Variants in TBCEL observed in about 807,000 individuals in gnomAD.
The protein encoded by TBCEL is tubulin folding cofactor E like.
TBCEL carries 15 observed loss-of-function variants against 44.2 expected under a neutral mutation model. That is an observed-to-expected ratio of 0.34 (90% CI 0.23 to 0.52). The LOEUF (loss-of-function observed/expected upper bound fraction) is 0.52, where lower values mean the gene tolerates loss of function less well. Among genes scored for constraint, TBCEL ranks in the 20% least tolerant of loss-of-function variants. TBCEL has a pLI of 0.95. For missense variants in TBCEL, 319 were observed against 506.3 expected (o/e 0.63, Z 3.55); for synonymous variants, 171 against 185.4 (o/e 0.92, Z 0.63).
At chr11:121,070,070 G>A (rs1438041911) in intron 8 of TBCEL, among the ~76,000 whole-genome samples, 8 of 152,116 alleles carry the variant, frequency 5.3e-5, no homozygotes, top group Non-Finnish European at 7.4e-5. Flanking sequence ...CTCAAAAGAA[G>A]ACATTTATGC....
chr11:121,047,516 C>T lies in TBCEL; in HGVS notation c.134-12C>T. On this transcript the variant is annotated splice_polypyrimidine_tract_variant and intron_variant, in intron 3 of 8. Transcript: ENST00000683345. ...CTGATATAGAAAACATTTTGTGTCT[C>T]TCATCATTCAGATCGCCTCAACCTC... 1.2e-6 allele frequency: 2 copies of T among 1,611,298 alleles called. No homozygotes were observed. Among genetic ancestry groups the T allele is most frequent in the South Asian group, 2.2e-5 (2 of 90,934 alleles).
At chr11:121,060,422 GTTCA>G (rs1467197212) in intron 8 of TBCEL, among the ~76,000 whole-genome samples, 2 of 150,454 alleles carry the variant, frequency 1.3e-5, no homozygotes, top group African/African-American at 5.0e-5. Flanking sequence ...AAATTAGTCT[GTTCA>G]TTCATGTTGG....
At chr11:121,060,681 A>T (rs1365019877) in intron 8 of TBCEL, among the ~76,000 whole-genome samples, 1 of 151,976 alleles carries the variant, frequency 6.6e-6, no homozygotes, top group Non-Finnish European at 1.5e-5. Flanking sequence ...ATGTAAAAGG[A>T]AATGTAGCAG....
At chr11:121,059,540 A>C (rs950018302) in intron 7 of TBCEL, among the ~76,000 whole-genome samples, 1 of 152,064 alleles carries the variant, frequency 6.6e-6, no homozygotes, top group Non-Finnish European at 1.5e-5. Context: ...AAATTAGCTC[A>C]TTTAAAAATA....
intron 8 of TBCEL, among the ~76,000 whole-genome samples, chr11:121,076,006 G>C (rs1445550827): frequency 6.6e-6 from 1 of 151,772 alleles, no homozygotes; most frequent in Non-Finnish European, 1.5e-5. Flanking sequence ...AATCATATAG[G>C]TGGCCCGTAT....
rs1423808770 is a variant in TBCEL, at chr11:121,058,355, C to T, written c.723C>T (p.Ser241=). ...ATGTTCTCAAATTAGGTTTGCAGTC[C>T]TGGGAAGACATTGATAAACTAAATT... The part of the protein sequence containing the change: ...SISLHKSGLQ[S]WEDIDKLNSF... The change falls in exon 7 of 9, where the codon TCC becomes TCT. Residue 241 remains serine, a synonymous_variant. Transcript: ENST00000683345. 2 of 1,611,172 alleles carry T rather than the reference C, an allele frequency of 1.2e-6. No individual in the cohort carries two copies. Among genetic ancestry groups the T allele is most frequent in the South Asian group, 2.2e-5 (2 of 90,986 alleles).
chr11:121,082,660 G>A (rs1946147171), intron 8 of TBCEL, among the ~76,000 whole-genome samples: 14 of 152,208 alleles, frequency 9.2e-5, no homozygotes, highest in Admixed American at 9.2e-4. Context: ...TGAGGTCGTG[G>A]AAAGCCATCA....
intron 8 of TBCEL, among the ~76,000 whole-genome samples, chr11:121,085,349 T>A (rs1450499929): frequency 6.6e-6 from 1 of 152,218 alleles, no homozygotes; most frequent in Non-Finnish European, 1.5e-5. Flanking sequence ...TCTTATATTT[T>A]TTAATGGTTG....
intron 2 of TBCEL, among the ~76,000 whole-genome samples, chr11:121,043,812 ATTGTC>A (rs1242793235): frequency 3.9e-5 from 6 of 151,960 alleles, no homozygotes; most frequent in Admixed American, 3.3e-4. Context: ...ATCAGTGACT[ATTGTC>A]TTATTGTCCT....
At chr11:121,028,354 G>A (rs1945083250) in intron 1 of TBCEL, among the ~76,000 whole-genome samples, 1 of 152,144 alleles carries the variant, frequency 6.6e-6, no homozygotes, top group Non-Finnish European at 1.5e-5. Context: ...AAAGTTAAAA[G>A]TCACTGACCT....
intron 8 of TBCEL, among the ~76,000 whole-genome samples, chr11:121,060,642 C>T (rs1422410198): frequency 6.6e-6 from 1 of 151,680 alleles, no homozygotes; most frequent in Non-Finnish European, 1.5e-5. Context: ...TAAATATTGT[C>T]TAGTGAGGAA....
chr11:121,076,292 C>G (rs1591417041), intron 8 of TBCEL, among the ~76,000 whole-genome samples: 1 of 151,960 alleles, frequency 6.6e-6, no homozygotes, highest in Admixed American at 6.6e-5. Context: ...CTTAATAATA[C>G]TGAGTCTTCC....
At position 121,068,886 on chromosome 11, in the gene TBCEL, CA is replaced by C. The variant is rs575081373; in HGVS notation, c.956+8817del. Among the ~76,000 whole-genome samples the C allele has an allele frequency of 8.6e-3, 759 of 87,958 alleles. 3 individuals are homozygous for C. The highest frequency in any genetic ancestry group is 0.039 in the East Asian group (122 of 3,122). 57.7% of individuals were successfully genotyped at this position (87,958 alleles called of 152,430 possible). On this transcript the variant is annotated intron_variant, in intron 8 of 8. Transcript: ENST00000683345. ...TGGGTGACAGAGCAAGGCTCCGTCT[CA>C]AAAAAAAAAAAAAAACAGACAAAAA... is the stretch of plus-strand genomic sequence containing the variant.
At chr11:121,062,567 G>A (rs1161569679) in intron 8 of TBCEL, among the ~76,000 whole-genome samples, 2 of 152,080 alleles carry the variant, frequency 1.3e-5, no homozygotes, top group Non-Finnish European at 2.9e-5. Flanking sequence ...TGACCAAAAT[G>A]TCTTCATGTG....
chr11:121,074,306 G>A (rs1945993593), intron 8 of TBCEL, among the ~76,000 whole-genome samples: 2 of 151,954 alleles, frequency 1.3e-5, no homozygotes, highest in Admixed American at 6.6e-5. Context: ...CCCCTAGGCA[G>A]CCACTGATAC....
intron 5 of TBCEL, 139 bp downstream of exon 5, chr11:121,053,871 G>T (rs1243143718): frequency 1.1e-6 from 1 of 897,034 alleles, no homozygotes; most frequent in Admixed American, 2.8e-5. Context: ...GAAGTTATTG[G>T]AATGAGAATG....
chr11:121,058,550 G>T (rs1037952711), intron 7 of TBCEL, 79 bp downstream of exon 7: 7 of 1,525,480 alleles, frequency 4.6e-6, no homozygotes, highest in Middle Eastern at 1.7e-4. Flanking sequence ...TGTTTAGTGG[G>T]AGTGCACTAT....
intron 8 of TBCEL, among the ~76,000 whole-genome samples, chr11:121,067,547 CAAGAG>C (rs984128013): frequency 2.0e-5 from 3 of 152,172 alleles, no homozygotes; most frequent in African/African-American, 7.2e-5. Context: ...CTTTGTGAAA[CAAGAG>C]AAGAGGAAAA....
intron 8 of TBCEL, among the ~76,000 whole-genome samples, chr11:121,069,169 A>G (rs1463253503): frequency 6.6e-6 from 1 of 152,086 alleles, no homozygotes; most frequent in Admixed American, 6.5e-5. Context: ...GTATATTGTC[A>G]ATCTCCCCCC....
Sources: gnomAD v4.1 joint callset for allele counts (sites outside exome capture counted in the v4.1 genomes callset) on GRCh38, gnomAD v4.1.1 for gene constraint, MANE v1.5 for transcripts, NCBI Gene and HGNC (gene_info 2026-07-23, HGNC 2026-07-21) for gene names.